MROH9: variants seen among roughly 807,000 people sequenced by gnomAD.
MROH9 encodes the protein maestro heat-like repeat-containing protein family member 9.
Under a neutral mutation model 98.2 loss-of-function variants are expected in MROH9, and 92 were observed. The ratio of observed to expected loss-of-function variants is 0.94; its 90% confidence interval spans 0.79 to 1.11. The LOEUF is 1.11. Among genes scored for constraint, MROH9 ranks in the 50% most tolerant of loss-of-function variants. The probability of loss-of-function intolerance (pLI) is 0.00; values close to 1 mark genes in which losing one functional copy is unlikely to be tolerated. For synonymous variants in MROH9, 397 were observed against 368.9 expected (o/e 1.08, Z -0.87); for missense variants, 1,057 against 1,014.8 (o/e 1.04, Z -0.57).
intron 17 of MROH9, among the ~76,000 whole-genome samples, chr1:171,022,795 A>G (rs1040096970): frequency 6.6e-6 from 1 of 152,082 alleles, no homozygotes; most frequent in Admixed American, 6.6e-5. Flanking sequence ...AATTTATTGA[A>G]CACTTAATAT....
At chr1:170,960,491 A>C (rs1571452111) in intron 5 of MROH9, among the ~76,000 whole-genome samples, 1 of 152,362 alleles carries the variant, frequency 6.6e-6, no homozygotes, top group East Asian at 1.9e-4. Context: ...CATATATTTT[A>C]TATATCAGCT....
At chr1:170,983,145 A>G (rs979130597) in intron 8 of MROH9, among the ~76,000 whole-genome samples, 1 of 152,098 alleles carries the variant, frequency 6.6e-6, no homozygotes, top group Non-Finnish European at 1.5e-5. Flanking sequence ...AGCACACTGA[A>G]CCATGCATTT....
At chr1:170,983,573 T>C (rs1377912804) in intron 9 of MROH9, 39 bp downstream of exon 9, 2 of 1,170,060 alleles carry the variant, frequency 1.7e-6, no homozygotes, top group South Asian at 2.5e-5. Flanking sequence ...CTTTTGTTTA[T>C]GTGTATGATT....
intron 17 of MROH9, among the ~76,000 whole-genome samples, chr1:171,016,537 C>A (rs1454976683): frequency 1.3e-5 from 2 of 151,560 alleles, no homozygotes; most frequent in East Asian, 3.9e-4. Flanking sequence ...GAAAAGAAGA[C>A]TAATCAAGGA....
chr1:171,042,336 G>A (rs1653334869), intron 20 of MROH9, among the ~76,000 whole-genome samples: 2 of 152,044 alleles, frequency 1.3e-5, no homozygotes, highest in Non-Finnish European at 2.9e-5. Context: ...ATTTATGGCT[G>A]AATGGTATTC....
At position 171,042,748 on chromosome 1, in the gene MROH9, A is replaced by G. The variant is rs182334798; in HGVS notation, c.2281+17328A>G. On this transcript the variant is annotated intron_variant, in intron 20 of 21. Transcript: ENST00000367759. ...TCTCTGATGATCAGTGATGTTGAAC[A>G]TCTTTTCATATACCTGTTTGCCATT... is the stretch of plus-strand genomic sequence containing the variant. Among the ~76,000 whole-genome samples the G allele has an allele frequency of 9.9e-4, 151 of 152,266 alleles. 3 individuals carry two copies. Among genetic ancestry groups the G allele is most frequent in the Admixed American group, 8.8e-3 (134 of 15,288 alleles).
chr1:170,969,493 T>C (rs1216036096), intron 7 of MROH9, among the ~76,000 whole-genome samples: 1 of 152,196 alleles, frequency 6.6e-6, no homozygotes, highest in Non-Finnish European at 1.5e-5. Flanking sequence ...ATGAGTAATG[T>C]TCTCTATTGA....
intron 20 of MROH9, among the ~76,000 whole-genome samples, chr1:171,051,948 G>A (rs1439507017): frequency 6.6e-6 from 1 of 152,130 alleles, no homozygotes; most frequent in East Asian, 1.9e-4. Context: ...GGCTTCATAG[G>A]AATTGGAGCA....
At chr1:170,998,477 C>T in intron 15 of MROH9, 1 of 1,511,144 alleles carries the variant, frequency 6.6e-7, no homozygotes, top group Non-Finnish European at 8.8e-7. Context: ...CAGCTTTCCC[C>T]AGCAGTTGGT....
intron 6 of MROH9, among the ~76,000 whole-genome samples, chr1:170,963,819 C>T (rs1650121822): frequency 6.6e-6 from 1 of 151,992 alleles, no homozygotes; most frequent in Non-Finnish European, 1.5e-5. Flanking sequence ...ACAAGAGATA[C>T]TGGGGCCTGA....
chr1:170,969,704 CAAAG>C (rs1341751251), intron 7 of MROH9, among the ~76,000 whole-genome samples: 2 of 151,974 alleles, frequency 1.3e-5, no homozygotes, highest in African/African-American at 4.8e-5. Context: ...GCCAGATCTA[CAAAG>C]AAAGGGCACA....
intron 20 of MROH9, among the ~76,000 whole-genome samples, chr1:171,041,406 CAT>C (rs201305969): frequency 1.8e-5 from 1 of 54,684 alleles, no homozygotes; most frequent in Non-Finnish European, 3.6e-5. Flanking sequence ...GGTCAAGATA[CAT>C]ACACACACAC....
intron 7 of MROH9, among the ~76,000 whole-genome samples, chr1:170,968,762 A>G (rs1650329071): frequency 6.6e-6 from 1 of 152,190 alleles, no homozygotes; most frequent in South Asian, 2.1e-4. Flanking sequence ...AAAAGTAAAA[A>G]TAAAAATAAT....
chr1:170,953,846 GAAGA>G (rs1185194352), intron 3 of MROH9, among the ~76,000 whole-genome samples: 3 of 126,084 alleles, frequency 2.4e-5, no homozygotes, highest in Non-Finnish European at 5.0e-5. Context: ...AGGAAGGAAG[GAAGA>G]AAGAGAAAGA....
intron 1 of MROH9, among the ~76,000 whole-genome samples, chr1:170,935,982 C>CAAA (rs59883013): frequency 1.6e-4 from 10 of 62,258 alleles, no homozygotes; most frequent in South Asian, 6.4e-4. Context: ...CAGAGTGAGA[C>CAAA]AAAAAAAAAA....
At chr1:171,059,950 G>A (rs1653963563) in intron 20 of MROH9, among the ~76,000 whole-genome samples, 1 of 151,838 alleles carries the variant, frequency 6.6e-6, no homozygotes, top group Admixed American at 6.6e-5. Context: ...TAAAATAAAT[G>A]AAAGGTTATA....
chr1:171,016,115 G>A (rs1357095922), intron 16 of MROH9, 48 bp from the exon 17 acceptor site: 3 of 1,296,148 alleles, frequency 2.3e-6, no homozygotes, highest in East Asian at 6.0e-5. Context: ...GTCAGCTCAA[G>A]TCTCCTGCTA....
intron 2 of MROH9, among the ~76,000 whole-genome samples, chr1:170,946,089 A>G (rs1006699707): frequency 2.0e-5 from 3 of 152,116 alleles, no homozygotes; most frequent in African/African-American, 7.2e-5. Flanking sequence ...TATCAAAATA[A>G]AACAAAACAA....
At chr1:171,019,432 T>A (rs1652436002) in intron 17 of MROH9, among the ~76,000 whole-genome samples, 3 of 151,934 alleles carry the variant, frequency 2.0e-5, no homozygotes, top group Non-Finnish European at 4.4e-5. Context: ...GGTGGGTGGA[T>A]CACGAGATCA....
Sources: gnomAD v4.1 joint callset for allele counts (sites outside exome capture counted in the v4.1 genomes callset) on GRCh38, gnomAD v4.1.1 for gene constraint, MANE v1.5 for transcripts, NCBI Gene and HGNC (gene_info 2026-07-23, HGNC 2026-07-21) for gene names.